C10orf67: variants seen among roughly 807,000 people sequenced by gnomAD.
C10orf67 encodes the protein uncharacterized protein C10orf67, mitochondrial.
C10orf67 carries 60 observed loss-of-function variants against 35.6 expected under a neutral mutation model. The observed-to-expected ratio is 1.68, with a 90% CI of 1.37 to 2.09. C10orf67 has a LOEUF of 2.09. C10orf67 is among the 30% of genes most tolerant of loss of function. The pLI is 0.00. For missense variants in C10orf67, 474 were observed against 330.2 expected (o/e 1.44, Z -3.38); for synonymous variants, 167 against 115.8 (o/e 1.44, Z -2.84).
At chr10:23,224,150 CA>C (rs1263414967) in intron 13 of C10orf67, among the ~76,000 whole-genome samples, 1 of 152,206 alleles carries the variant, frequency 6.6e-6, no homozygotes, top group African/African-American at 2.4e-5. Flanking sequence ...ACTGACACCC[CA>C]CATGGCTGGG....
chr10:23,297,084 C>A (rs571309838), intron 5 of C10orf67, among the ~76,000 whole-genome samples: 36 of 152,320 alleles, frequency 2.4e-4, no homozygotes, highest in Non-Finnish European at 5.0e-4. Flanking sequence ...GTTCCCCATT[C>A]TATTTCTTCT....
chr10:23,218,204 A>G (rs1402804427), intron 15 of C10orf67, among the ~76,000 whole-genome samples: 1 of 152,136 alleles, frequency 6.6e-6, no homozygotes, highest in African/African-American at 2.4e-5. Flanking sequence ...CAGTGGCGCC[A>G]TCATGGCACA....
intron 1 of C10orf67, among the ~76,000 whole-genome samples, chr10:23,341,258 A>G (rs1845872724): frequency 6.6e-6 from 1 of 152,190 alleles, no homozygotes; most frequent in Admixed American, 6.5e-5. Flanking sequence ...TCAACTACCT[A>G]CTTAACAGCC....
chr10:23,268,486 T>C (rs943604938), intron 8 of C10orf67, among the ~76,000 whole-genome samples: 3 of 152,178 alleles, frequency 2.0e-5, no homozygotes, highest in African/African-American at 2.4e-5. Context: ...ATTAATCTCA[T>C]TGGCATCTGA....
intron 12 of C10orf67, among the ~76,000 whole-genome samples, chr10:23,249,981 A>C (rs1842406452): frequency 6.6e-6 from 1 of 152,230 alleles, no homozygotes; most frequent in Admixed American, 6.5e-5. Context: ...TGAAAAAGGC[A>C]AAGAGGACAC....
chr10:23,210,420 A>G (rs938479007), intron 15 of C10orf67, among the ~76,000 whole-genome samples: 1 of 152,038 alleles, frequency 6.6e-6, no homozygotes, highest in African/African-American at 2.4e-5. Context: ...CCTCAGACTC[A>G]ATTTTTTTTT....
chr10:23,330,770 A>C (rs1447486775), intron 2 of C10orf67, among the ~76,000 whole-genome samples: 1 of 151,928 alleles, frequency 6.6e-6, no homozygotes, highest in African/African-American at 2.4e-5. Flanking sequence ...TAACAGAAGC[A>C]TAAACGAGAA....
chr10:23,217,703 A>C (rs1179488533), intron 15 of C10orf67, among the ~76,000 whole-genome samples: 1 of 152,194 alleles, frequency 6.6e-6, no homozygotes, highest in Non-Finnish European at 1.5e-5. Flanking sequence ...CATGCTTCAG[A>C]GAGCTTTAAG....
chr10:23,218,571 CAA>C, intron 15 of C10orf67, among the ~76,000 whole-genome samples: 1 of 152,134 alleles, frequency 6.6e-6, no homozygotes, highest in East Asian at 1.9e-4. Context: ...AGAATTAGCT[CAA>C]GTCTCAAAGA....
intron 4 of C10orf67, 22 bp downstream of exon 4, chr10:23,320,719 G>A (rs752069925): frequency 1.7e-5 from 26 of 1,560,082 alleles, no homozygotes; most frequent in Middle Eastern, 1.7e-4. Context: ...CCACAACTAC[G>A]GCACCAGAAA....
intron 10 of C10orf67, among the ~76,000 whole-genome samples, chr10:23,261,166 A>T (rs1479506382): frequency 1.3e-5 from 2 of 152,162 alleles, no homozygotes; most frequent in African/African-American, 2.4e-5. Flanking sequence ...CAGATTTGGA[A>T]GAGAAAATGC....
intron 15 of C10orf67, among the ~76,000 whole-genome samples, chr10:23,217,256 T>C (rs1841456072): frequency 6.6e-6 from 1 of 152,170 alleles, no homozygotes; most frequent in Non-Finnish European, 1.5e-5. Flanking sequence ...ACTTCATAAA[T>C]ACTACTTTTC....
At chr10:23,267,573 G>A (rs1217670497) in intron 8 of C10orf67, among the ~76,000 whole-genome samples, 1 of 152,160 alleles carries the variant, frequency 6.6e-6, no homozygotes, top group Non-Finnish European at 1.5e-5. Flanking sequence ...TGATACATTA[G>A]TATAACAGCT....
intron 13 of C10orf67, among the ~76,000 whole-genome samples, chr10:23,227,958 A>T (rs2132115732): frequency 6.6e-6 from 1 of 152,338 alleles, no homozygotes; most frequent in East Asian, 1.9e-4. Flanking sequence ...CAAATGGAAG[A>T]ACATTCCATG....
chr10:23,293,017 G>C (rs1843768724), intron 5 of C10orf67, among the ~76,000 whole-genome samples: 1 of 151,704 alleles, frequency 6.6e-6, no homozygotes, highest in African/African-American at 2.4e-5. Context: ...TGTGTGTGTG[G>C]AAAGAAATAA....
At chr10:23,267,779 G>A (rs985886497) in intron 8 of C10orf67, among the ~76,000 whole-genome samples, 27 of 151,700 alleles carry the variant, frequency 1.8e-4, no homozygotes, top group Non-Finnish European at 3.7e-4. Flanking sequence ...GGTGGTGGGC[G>A]CCTGTAATTC....
At chr10:23,331,206 A>ATCC (rs1845447755) in intron 2 of C10orf67, among the ~76,000 whole-genome samples, 1 of 4,250 alleles carries the variant, frequency 2.4e-4, no homozygotes, top group Non-Finnish European at 4.4e-4. Context: ...AAGGGAAGGG[A>ATCC]AGAGGGAAGG....
intron 15 of C10orf67, among the ~76,000 whole-genome samples, chr10:23,216,288 G>T (rs1841428206): frequency 6.6e-6 from 1 of 151,938 alleles, no homozygotes; most frequent in Non-Finnish European, 1.5e-5. Context: ...AGTTATCAGG[G>T]AATTTCAAAA....
chr10:23,269,751 T>G (rs1204793965), intron 8 of C10orf67, among the ~76,000 whole-genome samples: 1 of 151,842 alleles, frequency 6.6e-6, no homozygotes, highest in African/African-American at 2.4e-5. Flanking sequence ...ATATCTAGTA[T>G]AGTAGACTTC....
Sources: gnomAD v4.1 joint callset for allele counts (sites outside exome capture counted in the v4.1 genomes callset) on GRCh38, gnomAD v4.1.1 for gene constraint, MANE v1.5 for transcripts, NCBI Gene and HGNC (gene_info 2026-07-23, HGNC 2026-07-21) for gene names.